The following RP1 variants were observed in gnomAD, a reference collection of about 807,000 sequenced individuals.
The protein encoded by RP1 is RP1 axonemal microtubule associated, also known as oxygen-regulated protein 1.
Under a neutral mutation model 14.8 loss-of-function variants are expected in RP1, and 16 were observed. That is an observed-to-expected ratio of 1.08 (90% CI 0.73 to 1.65). The LOEUF is 1.65. Ranked by LOEUF, RP1 falls within the 40% of genes most tolerant of loss-of-function variation. The pLI is 0.00. For missense variants in RP1, 2,631 were observed against 2,535.0 expected (o/e 1.04, Z -0.81); for synonymous variants, 876 against 883.6 (o/e 0.99, Z 0.15).
At chr8:54,666,189 G>T (rs1298807497) in intron 7 of RP1, among the ~76,000 whole-genome samples, 3 of 152,104 alleles carry the variant, frequency 2.0e-5, no homozygotes, top group Non-Finnish European at 4.4e-5. Context: ...TGTCTGTTCA[G>T]GTTCACAAAG....
chr8:54,806,893 C>T (rs186941962), intron 24 of RP1, among the ~76,000 whole-genome samples: 2 of 152,200 alleles, frequency 1.3e-5, no homozygotes, highest in East Asian at 3.9e-4. Context: ...TATGTTGTCC[C>T]CAAAATAAGC....
At chr8:54,771,342 G>A (rs79715283), downstream of RP1, among the ~76,000 whole-genome samples, 457 of 152,082 alleles carry the variant, frequency 3.0e-3, 3 homozygotes, top group African/African-American at 0.01. Flanking sequence ...AGAACTTGGT[G>A]GGGCATATGT....
At chr8:54,726,548 A>G in intron 17 of RP1, 1 of 1,439,488 alleles carries the variant, frequency 6.9e-7, no homozygotes, top group Admixed American at 2.7e-5. Context: ...CCATTGCAGG[A>G]AGACTATTAA....
At chr8:54,745,358 T>C (rs1033784625) in intron 19 of RP1, among the ~76,000 whole-genome samples, 1 of 152,252 alleles carries the variant, frequency 6.6e-6, no homozygotes, top group Non-Finnish European at 1.5e-5. Flanking sequence ...TACTGAATTC[T>C]AACATGTTAA....
At chr8:54,569,681 T>C (rs1804480132) in intron 1 of RP1, among the ~76,000 whole-genome samples, 3 of 152,186 alleles carry the variant, frequency 2.0e-5, no homozygotes, top group Non-Finnish European at 4.4e-5. Flanking sequence ...TCACCACAGA[T>C]TCACTGAGGG....
chr8:54,752,468 C>T (rs1809398255), intron 19 of RP1, among the ~76,000 whole-genome samples: 1 of 152,126 alleles, frequency 6.6e-6, no homozygotes, highest in African/African-American at 2.4e-5. Context: ...GTGCTTTCAT[C>T]CCCTAATTGT....
chr8:54,687,241 G>C (rs1470533225), intron 12 of RP1, among the ~76,000 whole-genome samples: 1 of 152,162 alleles, frequency 6.6e-6, no homozygotes, highest in Non-Finnish European at 1.5e-5. Context: ...TTAAGCTGCG[G>C]ATGCCTGCTT....
intron 3 of RP1, among the ~76,000 whole-genome samples, chr8:54,636,917 TG>T (rs2129321009): frequency 6.6e-6 from 1 of 152,344 alleles, no homozygotes; most frequent in South Asian, 2.1e-4. Context: ...AGACATTATA[TG>T]AAGAATAACT....
intron 15 of RP1, among the ~76,000 whole-genome samples, chr8:54,708,353 G>GTTTT (rs529900167): frequency 4.9e-5 from 7 of 144,166 alleles, no homozygotes; most frequent in Non-Finnish European, 6.1e-5. Flanking sequence ...GTGATTTCTG[G>GTTTT]TTTTTTTTTT....
chr8:54,578,965 G>A (rs1804720278), intron 1 of RP1, among the ~76,000 whole-genome samples: 1 of 152,200 alleles, frequency 6.6e-6, no homozygotes, highest in Non-Finnish European at 1.5e-5. Context: ...CCCTGAAGAT[G>A]AGGGAAATAA....
chr8:54,870,215 C>T lies in RP1; in HGVS notation c.*273C>T, dbSNP rs1209111318. 6 of 301,954 alleles carry T rather than the reference C, an allele frequency of 2.0e-5. No homozygotes were observed. In the Admixed American group the frequency reaches 2.5e-4, roughly 13 times the overall value. 18.7% of individuals were successfully genotyped at this position (301,954 alleles called of 1,614,324 possible). On this transcript the variant is annotated 3_prime_UTR_variant, in exon 29 of 29. Transcript: ENST00000637698. ...TCCTCTTCCTTCACCTTTTCTTTCC[C>T]TTCCTCCCCACTCTTCCCCTCCCTC... is the stretch of plus-strand genomic sequence containing the variant.
intron 15 of RP1, among the ~76,000 whole-genome samples, chr8:54,711,390 G>A (rs760283304): frequency 6.6e-6 from 1 of 152,162 alleles, no homozygotes; most frequent in Non-Finnish European, 1.5e-5. Context: ...ATTGCTAAAA[G>A]ATTTGAAATT....
In RP1 at chr8:54,783,607, C is replaced by T. The variant is rs981347084; in HGVS notation, c.3512C>T (p.Thr1171Ile). ...CTTGAAAATGCCGGCACCACGGCAA[C>T]AGTGTTCCTTTATGTCTATGGAGAA... The change falls in exon 24 of 29, where the codon ACA becomes ATA. Residue 1171 changes from threonine to isoleucine, a missense_variant. By Grantham distance (89) the Thr-to-Ile change is moderately conservative. Coordinates refer to the RP1 transcript ENST00000637698. 3 of 1,231,430 alleles carry T rather than the reference C, an allele frequency of 2.4e-6. No individual in the cohort carries two copies. The African/African-American group carries it at 4.7e-5, about 19-fold the overall frequency. The allele number at this position is 1,231,430 out of a possible 1,614,324, so 76.3% of individuals were successfully genotyped here. A position where few individuals can be genotyped will look rare whatever the true frequency, so the allele number is the denominator to read the frequency against.
intron 28 of RP1, among the ~76,000 whole-genome samples, chr8:54,866,157 G>C (rs1812454023): frequency 6.6e-6 from 1 of 152,148 alleles, no homozygotes; most frequent in Admixed American, 6.6e-5. Flanking sequence ...GAAAGAAATT[G>C]GATTAGGACT....
At chr8:54,643,716 C>A (rs1002223151) in intron 3 of RP1, among the ~76,000 whole-genome samples, 12 of 152,066 alleles carry the variant, frequency 7.9e-5, no homozygotes, top group African/African-American at 2.9e-4. Context: ...GGGGAAGATC[C>A]TCCCTCACCT....
intron 15 of RP1, among the ~76,000 whole-genome samples, chr8:54,713,529 AG>A (rs1180057259): frequency 7.2e-5 from 11 of 152,204 alleles, no homozygotes; most frequent in African/African-American, 2.2e-4. Context: ...TTTAGTTTGT[AG>A]AAACTAGGAA....
intron 25 of RP1, among the ~76,000 whole-genome samples, chr8:54,851,423 GAAC>G (rs1812059320): frequency 6.6e-6 from 1 of 152,170 alleles, no homozygotes; most frequent in Non-Finnish European, 1.5e-5. Context: ...ATTTCTCAGT[GAAC>G]AGAAGCCTGG....
At chr8:54,833,314 A>G (rs1811577330) in intron 24 of RP1, among the ~76,000 whole-genome samples, 1 of 151,918 alleles carries the variant, frequency 6.6e-6, no homozygotes, top group South Asian at 2.1e-4. Context: ...AAATATAGAT[A>G]TTGGCTATTT....
At chr8:54,611,133 T>G (rs1056222325), upstream of RP1, among the ~76,000 whole-genome samples, 1 of 152,238 alleles carries the variant, frequency 6.6e-6, no homozygotes. Flanking sequence ...TTGTATCTGA[T>G]GAATTGCTTC....
Sources: allele counts gnomAD v4.1 joint callset (sites outside exome capture counted in the v4.1 genomes callset), GRCh38; gene constraint gnomAD v4.1.1; transcripts MANE v1.5; gene names NCBI Gene and HGNC (gene_info 2026-07-23, HGNC 2026-07-21).